Variants in HIPK3 observed in about 807,000 individuals in gnomAD.
The protein encoded by HIPK3 is homeodomain interacting protein kinase 3, also known as homeodomain-interacting protein kinase 3.
In HIPK3, 47 loss-of-function variants were observed where a neutral mutation model predicts 124.2. That is an observed-to-expected ratio of 0.38 (90% confidence interval 0.30 to 0.48). The LOEUF (loss-of-function observed/expected upper bound fraction) is 0.48. HIPK3 is among the 20% of genes least tolerant of loss of function. The pLI is 0.98. For synonymous variants in HIPK3, 482 were observed against 515.2 expected (o/e 0.94, Z 0.87); for missense variants, 1,286 against 1,454.3 (o/e 0.88, Z 1.88).
chr11:33,339,063 G>A (rs1456516688), intron 5 of HIPK3, among the ~76,000 whole-genome samples: 1 of 152,044 alleles, frequency 6.6e-6, no homozygotes, highest in Non-Finnish European at 1.5e-5. Flanking sequence ...TAGTAAAAAA[G>A]TTTTTGCTTT....
chr11:33,332,359 C>T (rs1432217300), intron 3 of HIPK3, among the ~76,000 whole-genome samples: 1 of 152,148 alleles, frequency 6.6e-6, no homozygotes, highest in Non-Finnish European at 1.5e-5. Flanking sequence ...GCGTGAATCC[C>T]TTCCTGTCTT....
At chr11:33,347,195 C>T in intron 8 of HIPK3, 98 bp from the exon 9 acceptor site, 2 of 1,135,212 alleles carry the variant, frequency 1.8e-6, no homozygotes, top group Non-Finnish European at 1.2e-6. Context: ...AAAAAAAAAT[C>T]TGTCAGAATC....
Position 33,347,859 on chromosome 11 carries a change from A to G in HIPK3, c.2152A>G (p.Ile718Val). The G allele has an allele frequency of 1.9e-6, 3 of 1,614,196 alleles. No homozygotes were observed. Among genetic ancestry groups the G allele is most frequent in the Non-Finnish European group, 2.5e-6 (3 of 1,180,016 alleles). ...SHRLGDWGKM[I>V]SCSNHYNSVM... ...TTCTGAACTTCTCCCTAGGAAGATG[A>G]TTTCATGCAGCAATCATTATAACTC... The change falls in exon 11 of 17, where the codon ATT (isoleucine) becomes GTT (valine). Residue 718 changes from isoleucine (I) to valine (V), a missense_variant. By Grantham distance (29) the Ile-to-Val change is conservative. Coordinates refer to ENST00000303296, the MANE Select transcript of HIPK3 (RefSeq NM_005734.5).
rs572773434 is a variant in HIPK3, at chr11:33,300,220, C to T, written c.1097+12709C>T. Among the ~76,000 whole-genome samples, 3 of 151,380 alleles carry T rather than the reference C, an allele frequency of 2.0e-5. No homozygotes were observed. The East Asian group carries it at 5.9e-4, about 30-fold the overall frequency. ...AATTAGCTGGGCGTGATGGCAGGTG[C>T]TTGTAATCCCAGCTACTCGGAAGGC... On this transcript the variant is annotated intron_variant, in intron 2 of 16. Transcript: ENST00000303296.
At chr11:33,310,982 G>T (rs1852319049) in intron 2 of HIPK3, among the ~76,000 whole-genome samples, 1 of 152,272 alleles carries the variant, frequency 6.6e-6, no homozygotes, top group South Asian at 2.1e-4. Context: ...TGAATTCCAG[G>T]TTTTGTTTTG....
intron 1 of HIPK3, among the ~76,000 whole-genome samples, chr11:33,267,372 C>CA (rs1257993668): frequency 2.6e-5 from 4 of 152,106 alleles, no homozygotes; most frequent in Non-Finnish European, 1.5e-5. Flanking sequence ...CTTTGCCTCC[C>CA]AAAGTGTTGG....
In HIPK3 at chr11:33,328,193, G is replaced by A. The variant is rs1195656313; in HGVS notation, c.1098-317G>A. Among the ~76,000 whole-genome samples, 3 of 152,062 alleles carry A rather than the reference G, an allele frequency of 2.0e-5. 1 individual carries two copies. In the South Asian group the frequency reaches 6.2e-4, roughly 31 times the overall value. On this transcript the variant is annotated intron_variant, in intron 2 of 16. Transcript: ENST00000303296. Reference sequence around the variant, plus strand: ...ATAGTTTGCCAGTTCTCTTCCTATTGTGTTATTTCTGATCTGCTGTAGTCT... The same window carrying A: ...ATAGTTTGCCAGTTCTCTTCCTATTATGTTATTTCTGATCTGCTGTAGTCT...
chr11:33,311,666 A>G (rs565713233), intron 2 of HIPK3, among the ~76,000 whole-genome samples: 119 of 152,240 alleles, frequency 7.8e-4, no homozygotes, highest in African/African-American at 2.8e-3. Context: ...ATGCATTGCT[A>G]TCACGCAAAG....
At position 33,345,798 on chromosome 11, in the gene HIPK3, AC is replaced by A. The variant is rs35912820; in HGVS notation, c.1898-1492del. Among the ~76,000 whole-genome samples the A allele has an allele frequency of 4.6e-5, 7 of 152,274 alleles. No homozygotes were observed. The East Asian group carries it at 1.2e-3, about 25-fold the overall frequency. ...TTAGGTGGAGCACAGAGAGTAGAAT[AC>A]CCTGGTATGGTAGTAAGGTAACAGT... On this transcript the variant is annotated intron_variant, in intron 8 of 16. Transcript: ENST00000303296.
intron 8 of HIPK3, among the ~76,000 whole-genome samples, chr11:33,346,707 T>A (rs1163603833): frequency 6.6e-6 from 1 of 152,180 alleles, no homozygotes; most frequent in Non-Finnish European, 1.5e-5. Context: ...ATAGCAAACT[T>A]CGGAGATGAG....
intron 2 of HIPK3, among the ~76,000 whole-genome samples, chr11:33,304,139 C>T (rs1214419194): frequency 1.3e-5 from 2 of 152,146 alleles, no homozygotes; most frequent in African/African-American, 4.8e-5. Flanking sequence ...CGGGGTGTCA[C>T]CATGTTGGCT....
intron 2 of HIPK3, among the ~76,000 whole-genome samples, chr11:33,323,228 T>C (rs1264475188): frequency 6.6e-6 from 1 of 152,170 alleles, no homozygotes; most frequent in East Asian, 1.9e-4. Flanking sequence ...CTACGTATTA[T>C]GGGATTCCAT....
rs760859209 is a variant in HIPK3 at position 33,349,285 on chromosome 11, T to A, written c.2805T>A (p.Asn935Lys). The change falls in exon 14 of 17, where the codon AAT (asparagine) becomes AAA (lysine). Residue 935 changes from asparagine to lysine, a missense_variant and splice_region_variant. Asn to Lys is a moderately conservative substitution (Grantham distance 94). Transcript: ENST00000303296. ...GCCCATCCCCCTGCAAGAGACCGAA[T>A]AGGTAAAAGAATCTCAATAGTAGTG... ...QSSPSPCKRP[N>K]SMSDEEQESS... 2 of 1,609,268 alleles carry A rather than the reference T, an allele frequency of 1.2e-6. No individual in the cohort carries two copies. Among genetic ancestry groups the A allele is most frequent in the Admixed American group, 3.4e-5 (2 of 58,390 alleles).
intron 1 of HIPK3, 120 bp from the exon 2 acceptor site, chr11:33,286,293 A>G (rs1851548080): frequency 7.9e-6 from 7 of 889,246 alleles, no homozygotes; most frequent in Non-Finnish European, 9.6e-6. Context: ...CTTTTTTACA[A>G]ATTGTGAATT....
chr11:33,346,195 G>T (rs1760727161), intron 8 of HIPK3, among the ~76,000 whole-genome samples: 1 of 152,102 alleles, frequency 6.6e-6, no homozygotes, highest in Admixed American at 6.5e-5. Flanking sequence ...CTTAATATTT[G>T]CAAGGTGCTT....
At chr11:33,284,072 T>C (rs117596572) in intron 1 of HIPK3, among the ~76,000 whole-genome samples, 270 of 152,326 alleles carry the variant, frequency 1.8e-3, no homozygotes, top group Non-Finnish European at 3.1e-3. Flanking sequence ...AAGTGCTCAG[T>C]AGGTAGTTGC....
intron 1 of HIPK3, among the ~76,000 whole-genome samples, chr11:33,259,385 A>G (rs530951341): frequency 6.6e-6 from 1 of 152,318 alleles, no homozygotes; most frequent in Non-Finnish European, 1.5e-5. Flanking sequence ...TGCAGTGCTA[A>G]TTTTATACAA....
intron 11 of HIPK3, 35 bp from the exon 12 acceptor site, chr11:33,348,131 C>G: frequency 6.2e-7 from 1 of 1,609,086 alleles, no homozygotes; most frequent in Non-Finnish European, 8.5e-7. Flanking sequence ...AGCTTTGTTA[C>G]AAACACTAAG....
chr11:33,347,585 C>T (rs1853534583), intron 9 of HIPK3, 44 bp from the exon 10 acceptor site: 1 of 1,600,316 alleles, frequency 6.2e-7, no homozygotes, highest in Non-Finnish European at 8.5e-7. Flanking sequence ...AGTTCAATTA[C>T]TTATAACTTG....
Sources: gnomAD v4.1 joint callset for allele counts (sites outside exome capture counted in the v4.1 genomes callset) on GRCh38, gnomAD v4.1.1 for gene constraint, MANE v1.5 for transcripts, NCBI Gene and HGNC (gene_info 2026-07-23, HGNC 2026-07-21) for gene names.